Variants in MPZL1 observed in about 807,000 individuals in gnomAD.
The protein encoded by MPZL1 is myelin protein zero-like protein 1.
A neutral mutation model predicts 29.3 loss-of-function variants in MPZL1; 16 were observed. The observed-to-expected ratio is 0.55, with a 90% confidence interval of 0.37 to 0.83. The LOEUF (loss-of-function observed/expected upper bound fraction) is 0.83. MPZL1 is among the 40% of genes least tolerant of loss of function. MPZL1 has a pLI of 0.00. For synonymous variants in MPZL1, 143 were observed against 132.0 expected (o/e 1.08, Z -0.57); for missense variants, 279 against 332.9 (o/e 0.84, Z 1.26).
intron 4 of MPZL1, 92 bp downstream of exon 4, chr1:167,773,460 A>C (rs184024490): frequency 1.3e-4 from 186 of 1,384,266 alleles, no homozygotes; most frequent in Non-Finnish European, 1.7e-4. Flanking sequence ...GATTTTAAAG[A>C]ATTAACTACT....
chr1:167,776,281 CAGACAG>C, intron 5 of MPZL1, 115 bp downstream of exon 5: 1 of 658,214 alleles, frequency 1.5e-6, no homozygotes, highest in South Asian at 2.8e-5. Flanking sequence ...CAGAGACAGA[CAGACAG>C]AGACAAAGAG....
intron 1 of MPZL1, among the ~76,000 whole-genome samples, chr1:167,739,455 G>A (rs1349949303): frequency 6.6e-6 from 1 of 151,634 alleles, no homozygotes; most frequent in Non-Finnish European, 1.5e-5. Flanking sequence ...GTGTTACCAT[G>A]CTTTGTTGGT....
chr1:167,769,734 A>G (rs1661198192), intron 2 of MPZL1, among the ~76,000 whole-genome samples: 1 of 152,224 alleles, frequency 6.6e-6, no homozygotes, highest in South Asian at 2.1e-4. Flanking sequence ...GATAAATGTT[A>G]TAATAATAAC....
chr1:167,774,342 A>G (rs1661319458), intron 4 of MPZL1, among the ~76,000 whole-genome samples: 1 of 151,948 alleles, frequency 6.6e-6, no homozygotes, highest in African/African-American at 2.4e-5. Flanking sequence ...TCCTGAAGGG[A>G]CTCTGATGTG....
chr1:167,738,204 G>A (rs1660418746), intron 1 of MPZL1, among the ~76,000 whole-genome samples: 1 of 152,150 alleles, frequency 6.6e-6, no homozygotes, highest in South Asian at 2.1e-4. Context: ...GATTATAGGA[G>A]TGAGCCACCG....
intron 5 of MPZL1, chr1:167,787,313 T>C (rs1263959537): frequency 2.0e-5 from 3 of 152,620 alleles, no homozygotes; most frequent in African/African-American, 7.2e-5. Flanking sequence ...AAACTATTTG[T>C]TTAAAACTAT....
chr1:167,770,097 T>C (rs1571163753), intron 2 of MPZL1, among the ~76,000 whole-genome samples: 1 of 151,440 alleles, frequency 6.6e-6, no homozygotes, highest in Admixed American at 6.6e-5. Context: ...AGGCAAGGAG[T>C]CTAGAGCTTA....
intron 1 of MPZL1, among the ~76,000 whole-genome samples, chr1:167,750,169 TTTTTC>T (rs1018668128): frequency 6.6e-6 from 1 of 152,004 alleles, no homozygotes; most frequent in African/African-American, 2.4e-5. Flanking sequence ...TTCACCCAGG[TTTTTC>T]TTTTCTTTTC....
intron 1 of MPZL1, among the ~76,000 whole-genome samples, chr1:167,759,174 T>A (rs1660929510): frequency 1.3e-5 from 2 of 152,190 alleles, no homozygotes; most frequent in Admixed American, 1.3e-4. Flanking sequence ...CAAAGAAACC[T>A]ATTTAATATC....
Position 167,736,702 on chromosome 1 carries a change from G to A in MPZL1, c.91+14460G>A, listed in dbSNP as rs531618895. Among the ~76,000 whole-genome samples the A allele has an allele frequency of 3.3e-5, 5 of 152,106 alleles. No homozygotes were observed. The East Asian group carries it at 9.6e-4, about 29-fold the overall frequency. On this transcript the variant is annotated intron_variant, in intron 1 of 5. Coordinates refer to ENST00000359523, the MANE Select transcript of MPZL1 (RefSeq NM_003953.6). ...CACTCCCTCCTTTCCATTGTCCCAG[G>A]ACAAATGCCAGTCATTTTAAGTTCA...
intron 1 of MPZL1, among the ~76,000 whole-genome samples, chr1:167,742,343 A>T (rs1020876402): frequency 2.0e-5 from 3 of 152,110 alleles, no homozygotes; most frequent in Non-Finnish European, 4.4e-5. Flanking sequence ...CCATAATATC[A>T]AAAACCCGGC....
At position 167,783,271 on chromosome 1, in the gene MPZL1, G is replaced by A. The variant is rs1391837892; in HGVS notation, c.709-4549G>A. On this transcript the variant is annotated intron_variant, in intron 5 of 5. Transcript: ENST00000359523. ...GCCAAGTGGAGTGGGAGGCTGGGTT[G>A]GGAAGGTGTTAGATAGGCACTACCT... 2.0e-5 allele frequency among the ~76,000 whole-genome samples: 3 copies of A among 152,136 alleles called. No individual in the cohort carries two copies. The East Asian group carries it at 5.8e-4, about 29-fold the overall frequency.
chr1:167,741,689 T>C (rs1043129124), intron 1 of MPZL1, among the ~76,000 whole-genome samples: 3 of 152,074 alleles, frequency 2.0e-5, no homozygotes, highest in Non-Finnish European at 1.5e-5. Flanking sequence ...ATTTTCTACA[T>C]AGCAGCAAGA....
chr1:167,775,351 A>G (rs1661342624), intron 4 of MPZL1, among the ~76,000 whole-genome samples: 2 of 152,214 alleles, frequency 1.3e-5, no homozygotes, highest in Non-Finnish European at 1.5e-5. Context: ...CTGATGACAC[A>G]TCTCATTGGA....
chr1:167,769,963 T>C (rs1246019788), intron 2 of MPZL1, among the ~76,000 whole-genome samples: 1 of 152,092 alleles, frequency 6.6e-6, no homozygotes, highest in Non-Finnish European at 1.5e-5. Context: ...GACTTCAAGA[T>C]TTATGGTTTT....
In MPZL1 at chr1:167,772,136, G is replaced by GGGGAGA. The variant is rs199674966; in HGVS notation, c.259-125_259-120dup. 1,527 of 710,318 alleles carry GGGGAGA rather than the reference G, an allele frequency of 2.1e-3. 20 individuals carry two copies. The highest frequency in any genetic ancestry group is 0.015 in the African/African-American group (853 of 55,726). 44.0% of individuals were successfully genotyped at this position (710,318 alleles called of 1,614,324 possible). A position where few individuals can be genotyped will look rare whatever the true frequency, so the allele number is the denominator to read the frequency against. ...AGACCGAAAAAAGGAGGAGAGAGAGGGGGAGAGGGAGAGGGAGAGAGATGT... is the reference window on the plus strand; with the variant it reads ...AGACCGAAAAAAGGAGGAGAGAGAGGGGGAGAGGGAGAGGGAGAGGGAGAGAGATGT... On this transcript the variant is annotated intron_variant, in intron 2 of 5. Coordinates refer to ENST00000359523, the MANE Select transcript of MPZL1 (RefSeq NM_003953.6).
intron 5 of MPZL1, among the ~76,000 whole-genome samples, chr1:167,779,823 A>T (rs1405251203): frequency 6.6e-6 from 1 of 152,214 alleles, no homozygotes; most frequent in Non-Finnish European, 1.5e-5. Context: ...AAAGAGATAG[A>T]TACAGCTAAC....
intron 1 of MPZL1, among the ~76,000 whole-genome samples, chr1:167,751,475 T>C (rs999390853): frequency 1.3e-5 from 2 of 151,838 alleles, no homozygotes; most frequent in Admixed American, 1.3e-4. Context: ...TTCGAGACCA[T>C]CCTGGCCAAC....
intron 1 of MPZL1, among the ~76,000 whole-genome samples, chr1:167,727,197 G>A (rs936895651): frequency 6.6e-6 from 1 of 152,136 alleles, no homozygotes; most frequent in Non-Finnish European, 1.5e-5. Context: ...CAGAAATATT[G>A]CTGTTTCCCC....
Sources: allele counts gnomAD v4.1 joint callset (sites outside exome capture counted in the v4.1 genomes callset), GRCh38; gene constraint gnomAD v4.1.1; transcripts MANE v1.5; gene names NCBI Gene and HGNC (gene_info 2026-07-23, HGNC 2026-07-21).